CEP126: variants seen among roughly 807,000 people sequenced by gnomAD.
The protein encoded by CEP126 is centrosomal protein of 126 kDa.
A neutral mutation model predicts 107.8 loss-of-function variants in CEP126; 74 were observed. The observed-to-expected ratio is 0.69, with a 90% CI of 0.57 to 0.83. CEP126 has a LOEUF of 0.83. CEP126 is among the 40% of genes least tolerant of loss of function. CEP126 has a pLI of 0.00. For missense variants in CEP126, 1,237 were observed against 1,281.9 expected, an observed-to-expected ratio of 0.96 and a Z score of 0.53; for synonymous variants, 449 against 446.0, an observed-to-expected ratio of 1.01 and a Z score of -0.08.
At chr11:101,972,925 C>T (rs1941150717) in intron 6 of CEP126, among the ~76,000 whole-genome samples, 1 of 152,138 alleles carries the variant, frequency 6.6e-6, no homozygotes, top group South Asian at 2.1e-4. Context: ...ATTATTTTAT[C>T]TGTGTTCTTC....
chr11:101,949,392 G>A (rs1424524797), intron 4 of CEP126, among the ~76,000 whole-genome samples: 1 of 152,132 alleles, frequency 6.6e-6, no homozygotes, highest in South Asian at 2.1e-4. Flanking sequence ...GAAACCTGGG[G>A]ATATTTCAAT....
intron 4 of CEP126, chr11:101,956,336 C>T (rs921120585): frequency 2.2e-6 from 1 of 456,244 alleles, no homozygotes; most frequent in African/African-American, 2.0e-5. Flanking sequence ...CAGTCACCCC[C>T]CTTATCCACC....
At chr11:101,938,145 G>C (rs1462918049) in intron 2 of CEP126, among the ~76,000 whole-genome samples, 2 of 72,576 alleles carry the variant, frequency 2.8e-5, no homozygotes, top group African/African-American at 8.7e-5. Flanking sequence ...GGGCGACAGA[G>C]CGAGACTCTG....
At chr11:101,967,025 C>CTTTTTTTTTTTTTTTTTT (rs759877416) in intron 6 of CEP126, among the ~76,000 whole-genome samples, 1 of 107,088 alleles carries the variant, frequency 9.3e-6, no homozygotes. Context: ...CTCTTTCTTT[C>CTTTTTTTTTTTTTTTTTT]TTTTTTTTTT....
Position 101,961,995 on chromosome 11 carries a change from TACTC to T in CEP126, c.962_965del (p.Thr321ArgfsTer10). ...GGCTTACAAATTTAGATGCTTCAAATACTCAGAATGTCACAGCTTTCTCAGATAT... is the reference window on the plus strand; with the variant it reads ...GGCTTACAAATTTAGATGCTTCAAATAGAATGTCACAGCTTTCTCAGATAT... On this transcript the variant is annotated frameshift_variant, in exon 6 of 11. Transcript: ENST00000263468. LOFTEE classifies it high-confidence loss of function. The T allele has an allele frequency of 6.2e-7, 1 of 1,612,606 alleles. No homozygotes were observed. The highest frequency in any genetic ancestry group is 8.5e-7 in the Non-Finnish European group (1 of 1,179,250).
chr11:101,937,430 A>G (rs1940599112), intron 2 of CEP126, among the ~76,000 whole-genome samples: 1 of 152,276 alleles, frequency 6.6e-6, no homozygotes, highest in African/African-American at 2.4e-5. Flanking sequence ...GACAACAGCA[A>G]TAGCAAACAA....
chr11:101,955,666 A>T, intron 4 of CEP126: 1 of 356,060 alleles, frequency 2.8e-6, no homozygotes, highest in South Asian at 2.1e-5. Flanking sequence ...ATGATCATAC[A>T]TGGACCCTAT....
intron 2 of CEP126, among the ~76,000 whole-genome samples, chr11:101,942,461 A>G (rs185519079): frequency 1.5e-4 from 22 of 151,708 alleles, no homozygotes; most frequent in African/African-American, 5.3e-4. Flanking sequence ...TCTCTTTTCT[A>G]TTCCATTAGT....
intron 7 of CEP126, among the ~76,000 whole-genome samples, 200 bp from the exon 8 acceptor site, chr11:101,981,689 T>G (rs1941256574): frequency 2.0e-5 from 3 of 152,150 alleles, no homozygotes; most frequent in African/African-American, 7.2e-5. Flanking sequence ...CATAAAACAT[T>G]TTTCATAATA....
At position 101,961,890 on chromosome 11, in the gene CEP126, A is replaced by G. The variant is rs145509374; in HGVS notation, c.855A>G (p.Pro285=). 9.2e-5 allele frequency: 148 copies of G among 1,613,182 alleles called. No individual in the cohort carries two copies. The highest frequency in any genetic ancestry group is 1.2e-4 in the Non-Finnish European group (142 of 1,179,520). ...AGCGGAATACCATTTCCCTCAAACC[A>G]GCAAATATGCAATCAACTAATCTCA... ...SIQRNTISLK[P]ANMQSTNLSC... The change falls in exon 6 of 11, where the codon CCA becomes CCG. Residue 285 remains proline (P), a synonymous_variant. Transcript: ENST00000263468.
Position 101,998,854 on chromosome 11 carries a change from A to AG in CEP126, c.*1213dup, listed in dbSNP as rs1417874592. 6.6e-6 allele frequency: 1 copy of AG among 152,130 alleles called. No individual in the cohort carries two copies. Among genetic ancestry groups the AG allele is most frequent in the Non-Finnish European group, 1.5e-5 (1 of 68,018 alleles). 9.4% of individuals were successfully genotyped at this position (152,130 alleles called of 1,614,324 possible). A position where few individuals can be genotyped will look rare whatever the true frequency, so the allele number is the denominator to read the frequency against. On this transcript the variant is annotated 3_prime_UTR_variant, in exon 11 of 11. Coordinates refer to ENST00000263468, the MANE Select transcript of CEP126 (RefSeq NM_020802.4). Reference sequence around the variant, plus strand: ...ACTTTAGAGATGAGAAACTGAGCCAAGGCCACATAGCTACCTACAGTGACA... The same window carrying AG: ...ACTTTAGAGATGAGAAACTGAGCCAAGGGCCACATAGCTACCTACAGTGACA...
At chr11:101,951,865 G>T (rs1940816914) in intron 4 of CEP126, among the ~76,000 whole-genome samples, 1 of 152,140 alleles carries the variant, frequency 6.6e-6, no homozygotes, top group Non-Finnish European at 1.5e-5. Context: ...TGAAAGTTAT[G>T]ATTGTATATA....
chr11:101,956,060 A>G (rs188259852), intron 4 of CEP126: 3 of 456,530 alleles, frequency 6.6e-6, no homozygotes, highest in Non-Finnish European at 1.3e-5. Flanking sequence ...CATTTCTAGC[A>G]GTTTCCCTCG....
intron 1 of CEP126, among the ~76,000 whole-genome samples, chr11:101,920,766 T>C (rs1940314473): frequency 6.6e-6 from 1 of 152,018 alleles, no homozygotes; most frequent in African/African-American, 2.4e-5. Flanking sequence ...CCACCACACC[T>C]GGCTGATTTT....
intron 4 of CEP126, among the ~76,000 whole-genome samples, chr11:101,955,319 G>T (rs1467273219): frequency 6.6e-6 from 1 of 152,166 alleles, no homozygotes; most frequent in African/African-American, 2.4e-5. Context: ...AGTAAAAGGG[G>T]ATATATTGTC....
intron 6 of CEP126, among the ~76,000 whole-genome samples, chr11:101,966,174 T>A (rs1423857350): frequency 6.6e-6 from 1 of 152,202 alleles, no homozygotes; most frequent in Non-Finnish European, 1.5e-5. Flanking sequence ...ATTCACACTG[T>A]TGTAAATATC....
At chr11:101,944,182 G>T (rs905334905) in intron 2 of CEP126, 83 bp from the exon 3 acceptor site, 7 of 1,242,928 alleles carry the variant, frequency 5.6e-6, no homozygotes, top group Non-Finnish European at 6.5e-6. Context: ...TGAAAACATT[G>T]TTATATAATA....
intron 9 of CEP126, among the ~76,000 whole-genome samples, chr11:101,990,375 G>T (rs921730077): frequency 6.6e-6 from 1 of 152,164 alleles, no homozygotes; most frequent in Admixed American, 6.5e-5. Flanking sequence ...CAGAGGCAGC[G>T]TACCTTCTTG....
intron 4 of CEP126, among the ~76,000 whole-genome samples, chr11:101,954,277 C>T (rs572023470): frequency 2.6e-5 from 4 of 152,256 alleles, no homozygotes; most frequent in Non-Finnish European, 2.9e-5. Flanking sequence ...CCACCCGCCT[C>T]GGCCTCCCAA....
Sources: gnomAD v4.1 joint callset for allele counts (sites outside exome capture counted in the v4.1 genomes callset) on GRCh38, gnomAD v4.1.1 for gene constraint, MANE v1.5 for transcripts, NCBI Gene and HGNC (gene_info 2026-07-23, HGNC 2026-07-21) for gene names.